Variants in TRAPPC12 observed in about 807,000 individuals in gnomAD.
The protein encoded by TRAPPC12 is trafficking protein particle complex subunit 12, also known as TPR repeat protein 15.
TRAPPC12 carries 61 observed loss-of-function variants against 69.2 expected under a neutral mutation model. The ratio of observed to expected loss-of-function variants is 0.88; its 90% confidence interval spans 0.72 to 1.09. The LOEUF is 1.09. Ranked by LOEUF, TRAPPC12 falls within the 50% of genes least tolerant of loss-of-function variation. The pLI, the probability that TRAPPC12 is intolerant of heterozygous loss-of-function variation, is 0.00. For missense variants in TRAPPC12, 1,101 were observed against 1,016.4 expected, an observed-to-expected ratio of 1.08 and a Z score of -1.13; for synonymous variants, 469 against 438.9, an observed-to-expected ratio of 1.07 and a Z score of -0.86.
intron 7 of TRAPPC12, chr2:3,459,992 G>T: frequency 5.5e-6 from 3 of 546,312 alleles, no homozygotes; most frequent in Non-Finnish European, 6.5e-6. Flanking sequence ...CGGACCATTT[G>T]GCCTTGTGTC....
chr2:3,447,722 A>T (rs1266814574), intron 6 of TRAPPC12, among the ~76,000 whole-genome samples: 3 of 152,116 alleles, frequency 2.0e-5, no homozygotes, highest in Admixed American at 2.0e-4. Context: ...AAGCCAGCCC[A>T]CCACTATTCT....
In TRAPPC12 at chr2:3,388,338, G is replaced by A. The variant is rs906542332; in HGVS notation, c.715G>A (p.Gly239Ser). The change falls in exon 2 of 12, where the codon GGC becomes AGC. Residue 239 changes from glycine to serine, a missense_variant. Physicochemically the swap from Gly to Ser is moderately conservative, Grantham distance 56. Coordinates refer to ENST00000324266, the MANE Select transcript of TRAPPC12 (RefSeq NM_016030.6). Reference sequence around the variant, plus strand: ...CGCCTTCATTTCCGTCAGCAATCCCGGCGCGGGCTCCCCGGCCCCCGCCAG... The same window carrying A: ...CGCCTTCATTTCCGTCAGCAATCCCAGCGCGGGCTCCCCGGCCCCCGCCAG... ...TSAFISVSNPGAGSPAPASPP... is the reference protein window; with the variant it reads ...TSAFISVSNPSAGSPAPASPP... The A allele has an allele frequency of 1.3e-6, 2 of 1,593,578 alleles. No individual in the cohort carries two copies. The highest frequency in any genetic ancestry group is 1.7e-6 in the Non-Finnish European group (2 of 1,170,864).
chr2:3,459,706 A>G (rs987615308), intron 7 of TRAPPC12, among the ~76,000 whole-genome samples: 3 of 152,244 alleles, frequency 2.0e-5, no homozygotes, highest in Admixed American at 6.5e-5. Context: ...CCGAGTCCCC[A>G]GCGGAATGTG....
intron 3 of TRAPPC12, among the ~76,000 whole-genome samples, chr2:3,402,400 GC>G (rs1558352506): frequency 6.6e-6 from 1 of 152,142 alleles, no homozygotes; most frequent in Non-Finnish European, 1.5e-5. Context: ...GACCAGCCTG[GC>G]CAACATGGTG....
At chr2:3,409,769 A>ATTTTTTTTTTTTTTTTTTTTTTTT (rs1325184612) in intron 3 of TRAPPC12, among the ~76,000 whole-genome samples, 1 of 149,732 alleles carries the variant, frequency 6.7e-6, no homozygotes, top group Non-Finnish European at 1.5e-5. Flanking sequence ...AAAAAAAAAA[A>ATTTTTTTTTTTTTTTTTTTTTTTT]AAAAAAAAAG....
At chr2:3,427,641 A>G (rs1558374850) in intron 5 of TRAPPC12, among the ~76,000 whole-genome samples, 1 of 152,234 alleles carries the variant, frequency 6.6e-6, no homozygotes. Flanking sequence ...TAATCCCAGC[A>G]CTTTGGGAGG....
At chr2:3,465,487 A>T in intron 8 of TRAPPC12, 110 bp from the exon 9 acceptor site, 1 of 743,902 alleles carries the variant, frequency 1.3e-6, no homozygotes, top group Non-Finnish European at 2.3e-6. Context: ...CTCCTGCGTC[A>T]GCGTGTCCTC....
intron 9 of TRAPPC12, among the ~76,000 whole-genome samples, chr2:3,475,932 G>A (rs1471712919): frequency 6.6e-6 from 1 of 152,214 alleles, no homozygotes; most frequent in African/African-American, 2.4e-5. Context: ...TCTTGATGAT[G>A]GGCTGTAATC....
chr2:3,418,635 G>C (rs1156614106), intron 3 of TRAPPC12, among the ~76,000 whole-genome samples: 1 of 152,214 alleles, frequency 6.6e-6, no homozygotes, highest in Non-Finnish European at 1.5e-5. Flanking sequence ...AGGTGCACAC[G>C]AGGCTGGGCT....
At chr2:3,445,255 C>T (rs1357228706) in intron 6 of TRAPPC12, among the ~76,000 whole-genome samples, 1 of 152,156 alleles carries the variant, frequency 6.6e-6, no homozygotes, top group African/African-American at 2.4e-5. Flanking sequence ...TACAGGGGCT[C>T]ATGCCTGTAA....
At chr2:3,415,802 C>T (rs1023297408) in intron 3 of TRAPPC12, among the ~76,000 whole-genome samples, 9 of 151,328 alleles carry the variant, frequency 5.9e-5, no homozygotes, top group Middle Eastern at 3.2e-3. Context: ...CTGCAAGCTC[C>T]ACCTTGCAGG....
At chr2:3,470,528 C>A (rs1666018692) in intron 9 of TRAPPC12, among the ~76,000 whole-genome samples, 1 of 152,260 alleles carries the variant, frequency 6.6e-6, no homozygotes, top group Admixed American at 6.5e-5. Flanking sequence ...AATCCTGCCT[C>A]CACCAGTGCC....
chr2:3,399,648 A>T (rs902413873), intron 2 of TRAPPC12, among the ~76,000 whole-genome samples: 1 of 152,230 alleles, frequency 6.6e-6, no homozygotes, highest in African/African-American at 2.4e-5. Flanking sequence ...GAAGGGAGGC[A>T]GCAGAGCAGA....
intron 2 of TRAPPC12, among the ~76,000 whole-genome samples, chr2:3,397,956 T>C (rs1012650199): frequency 7.2e-5 from 11 of 152,212 alleles, no homozygotes; most frequent in Non-Finnish European, 1.5e-4. Context: ...AACTCATGTT[T>C]TCCTTCTGTT....
intron 7 of TRAPPC12, chr2:3,458,504 A>C (rs1186402168): frequency 1.0e-6 from 1 of 964,068 alleles, no homozygotes; most frequent in Non-Finnish European, 1.2e-6. Context: ...GTGTGAGCTG[A>C]ACGTGTGTGA....
chr2:3,462,413 A>G (rs1256762429), intron 8 of TRAPPC12, among the ~76,000 whole-genome samples: 1 of 152,194 alleles, frequency 6.6e-6, no homozygotes, highest in Admixed American at 6.5e-5. Context: ...AGCCAAGCAT[A>G]TGCACTCTCT....
At chr2:3,395,965 A>G (rs1661105417) in intron 2 of TRAPPC12, among the ~76,000 whole-genome samples, 1 of 152,154 alleles carries the variant, frequency 6.6e-6, no homozygotes, top group Non-Finnish European at 1.5e-5. Flanking sequence ...CCTGACATCA[A>G]GTGATCTGCT....
At chr2:3,474,146 C>T (rs1210030599) in intron 9 of TRAPPC12, among the ~76,000 whole-genome samples, 1 of 152,226 alleles carries the variant, frequency 6.6e-6, no homozygotes, top group Admixed American at 6.5e-5. Flanking sequence ...AGCTCTCCCC[C>T]ACCCCTCAGT....
intron 7 of TRAPPC12, chr2:3,458,247 G>A (rs964570183): frequency 1.7e-5 from 17 of 987,644 alleles, no homozygotes; most frequent in Middle Eastern, 5.2e-4. Context: ...GCTGCAGCTC[G>A]GGGAGTGCGT....
Sources: allele counts gnomAD v4.1 joint callset (sites outside exome capture counted in the v4.1 genomes callset), GRCh38; gene constraint gnomAD v4.1.1; transcripts MANE v1.5; gene names NCBI Gene and HGNC (gene_info 2026-07-23, HGNC 2026-07-21).